The following WDR49 variants were observed in gnomAD, a reference collection of about 807,000 sequenced individuals.
WDR49 encodes the protein WD repeat domain 49.
A neutral mutation model predicts 119.5 loss-of-function variants in WDR49; 107 were observed. That is an observed-to-expected ratio of 0.90 (90% CI 0.77 to 1.05). WDR49 has a LOEUF of 1.05. WDR49 is among the 50% of genes least tolerant of loss of function. The pLI is 0.00. For synonymous variants in WDR49, 425 were observed against 418.8 expected (o/e 1.01, Z -0.18); for missense variants, 1,240 against 1,220.5 (o/e 1.02, Z -0.24).
intron 8 of WDR49, among the ~76,000 whole-genome samples, chr3:167,569,283 A>G (rs1276560188): frequency 1.3e-5 from 2 of 152,272 alleles, no homozygotes; most frequent in East Asian, 3.9e-4. Flanking sequence ...TTAATACTGT[A>G]TCTTTTTGTT....
At chr3:167,611,363 C>T (rs1490288091) in intron 5 of WDR49, among the ~76,000 whole-genome samples, 1 of 151,928 alleles carries the variant, frequency 6.6e-6, no homozygotes, top group Non-Finnish European at 1.5e-5. Flanking sequence ...AAGCAAGAAA[C>T]TAAATCATAT....
intron 8 of WDR49, among the ~76,000 whole-genome samples, chr3:167,567,407 T>C (rs1713669542): frequency 6.6e-6 from 1 of 152,242 alleles, no homozygotes; most frequent in Non-Finnish European, 1.5e-5. Flanking sequence ...TTTTTTGCCA[T>C]GTTCACAGTC....
At chr3:167,633,540 T>C in intron 2 of WDR49, 1 of 448,358 alleles carries the variant, frequency 2.2e-6, no homozygotes, top group South Asian at 1.6e-5. Context: ...ATCCTGGACT[T>C]GGCAGAAAGT....
intron 3 of WDR49, among the ~76,000 whole-genome samples, chr3:167,624,115 C>A (rs1468530976): frequency 6.6e-6 from 1 of 151,704 alleles, no homozygotes; most frequent in African/African-American, 2.4e-5. Context: ...GGTAGCAAAC[C>A]AGCACATGAA....
intron 7 of WDR49, among the ~76,000 whole-genome samples, chr3:167,599,091 C>A (rs543193168): frequency 1.1e-4 from 17 of 152,202 alleles, no homozygotes; most frequent in Non-Finnish European, 1.5e-4. Context: ...TACCTGGCTA[C>A]CACCTATGTT....
chr3:167,562,588 A>G (rs757731258), intron 8 of WDR49, among the ~76,000 whole-genome samples: 4 of 152,232 alleles, frequency 2.6e-5, no homozygotes, highest in Non-Finnish European at 4.4e-5. Context: ...AGACCAAATG[A>G]TCTGGATCTT....
chr3:167,497,242 T>C (rs1381731262), intron 18 of WDR49, among the ~76,000 whole-genome samples: 3 of 152,162 alleles, frequency 2.0e-5, no homozygotes, highest in Non-Finnish European at 2.9e-5. Context: ...CATCTTTTTC[T>C]CTCACAAGTT....
intron 5 of WDR49, among the ~76,000 whole-genome samples, chr3:167,617,345 G>C (rs1716645972): frequency 6.6e-6 from 1 of 152,128 alleles, no homozygotes; most frequent in South Asian, 2.1e-4. Flanking sequence ...TGGTCAACAT[G>C]GTGAAACCCT....
intron 2 of WDR49, among the ~76,000 whole-genome samples, chr3:167,629,475 T>C (rs1717272501): frequency 6.6e-6 from 1 of 152,106 alleles, no homozygotes; most frequent in Non-Finnish European, 1.5e-5. Context: ...TAATATTGTT[T>C]TTATGCCTGC....
intron 16 of WDR49, among the ~76,000 whole-genome samples, 196 bp downstream of exon 16, chr3:167,522,119 C>T (rs1752471930): frequency 6.6e-6 from 1 of 151,986 alleles, no homozygotes; most frequent in Admixed American, 6.6e-5. Context: ...TCAATGTAGT[C>T]AAGAAATAAG....
intron 2 of WDR49, among the ~76,000 whole-genome samples, chr3:167,630,935 A>C (rs1460144917): frequency 6.6e-6 from 1 of 152,136 alleles, no homozygotes; most frequent in East Asian, 1.9e-4. Flanking sequence ...AAGACATATC[A>C]CAGCCTTCTT....
chr3:167,621,922 C>A (rs1204412062), intron 3 of WDR49, among the ~76,000 whole-genome samples: 1 of 152,076 alleles, frequency 6.6e-6, no homozygotes, highest in East Asian at 1.9e-4. Flanking sequence ...GAGACTAGAC[C>A]ACTAATCACA....
At chr3:167,489,293 G>A (rs1036559002) in intron 18 of WDR49, among the ~76,000 whole-genome samples, 2 of 152,046 alleles carry the variant, frequency 1.3e-5, no homozygotes, top group African/African-American at 4.8e-5. Flanking sequence ...ATGCAAAGGG[G>A]TTGGCTCACT....
intron 10 of WDR49, among the ~76,000 whole-genome samples, chr3:167,542,659 T>C (rs955398540): frequency 1.3e-5 from 2 of 152,012 alleles, no homozygotes; most frequent in African/African-American, 2.4e-5. Context: ...AGAAAGTTCA[T>C]AGCATTAAAT....
At chr3:167,640,889 C>A (rs1717851197) in intron 2 of WDR49, among the ~76,000 whole-genome samples, 1 of 151,592 alleles carries the variant, frequency 6.6e-6, no homozygotes, top group Non-Finnish European at 1.5e-5. Flanking sequence ...GGCAATATGG[C>A]TAAAATTATT....
Position 167,592,427 on chromosome 3 carries a change from T to C in WDR49, c.1275+9700A>G, listed in dbSNP as rs150944784. Among the ~76,000 whole-genome samples, 344 of 148,290 alleles carry C rather than the reference T, an allele frequency of 2.3e-3. 1 individual carries two copies. Among genetic ancestry groups the C allele is most frequent in the African/African-American group, 8.1e-3 (320 of 39,398 alleles). ...AGTTTTGTACCGTTAGATGATTTCT[T>C]TTTCTTTTTCTTTTTTTTTTTTTTT... On this transcript the variant is annotated intron_variant, in intron 7 of 18. Coordinates refer to ENST00000682715, the MANE Select transcript of WDR49 (RefSeq NM_001366157.1).
chr3:167,492,034 C>A (rs1291689932), intron 18 of WDR49, among the ~76,000 whole-genome samples: 1 of 152,078 alleles, frequency 6.6e-6, no homozygotes, highest in Admixed American at 6.6e-5. Context: ...TGCCAAAAAC[C>A]TATGCACGAG....
At chr3:167,606,134 A>T (rs1010012422) in intron 5 of WDR49, among the ~76,000 whole-genome samples, 2 of 152,210 alleles carry the variant, frequency 1.3e-5, no homozygotes, top group African/African-American at 4.8e-5. Context: ...CACACAAAGT[A>T]GCAAAGCACT....
intron 8 of WDR49, among the ~76,000 whole-genome samples, chr3:167,563,353 CAAAAAAAAA>C (rs61247447): frequency 1.8e-5 from 1 of 55,854 alleles, no homozygotes. Context: ...GATTCTGAAT[CAAAAAAAAA>C]AAAAAAAAAA....
Sources: allele counts gnomAD v4.1 joint callset (sites outside exome capture counted in the v4.1 genomes callset), GRCh38; gene constraint gnomAD v4.1.1; transcripts MANE v1.5; gene names NCBI Gene and HGNC (gene_info 2026-07-23, HGNC 2026-07-21).